UBE2U: variants seen among roughly 807,000 people sequenced by gnomAD.
UBE2U encodes ubiquitin conjugating enzyme E2 U, also known as ubiquitin-conjugating enzyme E2 U.
In UBE2U, 39 loss-of-function variants were observed where a neutral mutation model predicts 41.2. The ratio of observed to expected loss-of-function variants is 0.95; its 90% confidence interval spans 0.73 to 1.24. UBE2U has a LOEUF of 1.24. Among genes scored for constraint, UBE2U ranks in the 50% most tolerant of loss-of-function variants. UBE2U has a pLI of 0.00. For missense variants in UBE2U, 336 were observed against 363.1 expected, an observed-to-expected ratio of 0.93 and a Z score of 0.61; for synonymous variants, 107 against 117.8, an observed-to-expected ratio of 0.91 and a Z score of 0.60.
intron 9 of UBE2U, among the ~76,000 whole-genome samples, chr1:64,265,323 A>G (rs1416564442): frequency 6.6e-6 from 1 of 152,180 alleles, no homozygotes; most frequent in South Asian, 2.1e-4. Context: ...ACTTGGCTTT[A>G]TATTTCTTGT....
chr1:64,246,108 C>A (rs1644915946), intron 8 of UBE2U, among the ~76,000 whole-genome samples: 1 of 150,902 alleles, frequency 6.6e-6, no homozygotes, highest in African/African-American at 2.4e-5. Flanking sequence ...ATATTAAATT[C>A]TATTATTAAA....
At chr1:64,210,933 G>C (rs1434216285) in intron 4 of UBE2U, 94 bp downstream of exon 4, 4 of 794,612 alleles carry the variant, frequency 5.0e-6, no homozygotes, top group Non-Finnish European at 7.2e-6. Flanking sequence ...GCATATTTAA[G>C]TGTTTAAAGA....
At chr1:64,255,516 A>G (rs928529850) in intron 8 of UBE2U, among the ~76,000 whole-genome samples, 2 of 152,212 alleles carry the variant, frequency 1.3e-5, no homozygotes, top group African/African-American at 4.8e-5. Flanking sequence ...TGATGCAAAA[A>G]TCCTCAATAA....
At chr1:64,241,904 T>G (rs1179773631) in intron 8 of UBE2U, among the ~76,000 whole-genome samples, 171 bp downstream of exon 8, 1 of 152,186 alleles carries the variant, frequency 6.6e-6, no homozygotes, top group Non-Finnish European at 1.5e-5. Context: ...TGCTTTCATA[T>G]GAACCCAGGT....
intron 8 of UBE2U, among the ~76,000 whole-genome samples, chr1:64,245,744 T>C (rs1421013162): frequency 6.6e-6 from 1 of 152,084 alleles, no homozygotes. Context: ...TCAGACCACT[T>C]TGCTTGCCTT....
chr1:64,243,866 A>C (rs1313793267), intron 8 of UBE2U, among the ~76,000 whole-genome samples: 1 of 152,154 alleles, frequency 6.6e-6, no homozygotes, highest in Non-Finnish European at 1.5e-5. Context: ...GGGGCACTGG[A>C]GCCAGACTGT....
intron 9 of UBE2U, among the ~76,000 whole-genome samples, chr1:64,261,419 GA>G (rs1381463516): frequency 1.3e-5 from 2 of 151,874 alleles, no homozygotes; most frequent in African/African-American, 4.8e-5. Context: ...TTTGTGAACT[GA>G]AAAGTACAAA....
intron 6 of UBE2U, among the ~76,000 whole-genome samples, chr1:64,232,144 TATAAG>T (rs1644579647): frequency 6.6e-6 from 1 of 152,180 alleles, no homozygotes; most frequent in South Asian, 2.1e-4. Context: ...CTGTCCCCAT[TATAAG>T]AAATAAGGGT....
At chr1:64,234,575 T>A (rs1644631994) in intron 7 of UBE2U, among the ~76,000 whole-genome samples, 1 of 152,220 alleles carries the variant, frequency 6.6e-6, no homozygotes. Flanking sequence ...GATCAATAAC[T>A]TTTAAGAAAT....
intron 7 of UBE2U, among the ~76,000 whole-genome samples, chr1:64,239,110 A>G (rs56199431): frequency 0.14 from 2,295 of 16,948 alleles, 54 homozygotes; most frequent in African/African-American, 0.27. Flanking sequence ...AAGAAGAAGA[A>G]GAAGAAGAAG....
chr1:64,253,175 T>A (rs533935905), intron 8 of UBE2U, among the ~76,000 whole-genome samples: 29 of 152,252 alleles, frequency 1.9e-4, no homozygotes, highest in Admixed American at 5.9e-4. Context: ...GAGCTTGAAG[T>A]CTATCTTTCT....
chr1:64,222,098 A>G (rs1487717913), intron 6 of UBE2U, among the ~76,000 whole-genome samples: 2 of 151,466 alleles, frequency 1.3e-5, no homozygotes, highest in South Asian at 2.1e-4. Flanking sequence ...TCTCAAAAAA[A>G]AAAAAAAAAA....
chr1:64,239,125 AG>A (rs1195914627), intron 7 of UBE2U, among the ~76,000 whole-genome samples: 39 of 24,328 alleles, frequency 1.6e-3, no homozygotes, highest in African/African-American at 6.9e-3. Context: ...AAGAAGAAGA[AG>A]AAGAAGAAGA....
chr1:64,249,106 C>T (rs1196100631), intron 8 of UBE2U, among the ~76,000 whole-genome samples: 7 of 151,956 alleles, frequency 4.6e-5, no homozygotes, highest in African/African-American at 1.5e-4. Flanking sequence ...GGCGCGGTGG[C>T]TCACGCCTGT....
chr1:64,227,647 C>G (rs1652967063), intron 6 of UBE2U, among the ~76,000 whole-genome samples: 1 of 151,876 alleles, frequency 6.6e-6, no homozygotes, highest in South Asian at 2.1e-4. Flanking sequence ...ACTAAAAATA[C>G]AAAATTAGCC....
intron 6 of UBE2U, among the ~76,000 whole-genome samples, chr1:64,225,826 C>T (rs781045433): frequency 9.9e-5 from 15 of 152,178 alleles, no homozygotes; most frequent in Non-Finnish European, 1.5e-4. Context: ...TGAAAGAAGA[C>T]ATCATTGACT....
At position 64,239,092 on chromosome 1, in the gene UBE2U, GGAA is replaced by G. The variant is rs1221201927; in HGVS notation, c.596-2496_596-2494del. Reference sequence around the variant, plus strand: ...AGGAAGAGGAAGAGGAAGAGGAAGAGGAAGAAGAAGAAGAAGAAGAAGAAGAAG... The same window carrying G: ...AGGAAGAGGAAGAGGAAGAGGAAGAGGAAGAAGAAGAAGAAGAAGAAGAAG... On this transcript the variant is annotated intron_variant, in intron 7 of 9. Transcript: ENST00000371077. Among the ~76,000 whole-genome samples the G allele has an allele frequency of 8.7e-3, 370 of 42,736 alleles. 3 individuals are homozygous for G. Among genetic ancestry groups the G allele is most frequent in the Middle Eastern group, 0.023 (2 of 86 alleles). 28.0% of individuals were successfully genotyped at this position (42,736 alleles called of 152,430 possible).
chr1:64,239,112 A>AAGG (rs1644745816), intron 7 of UBE2U, among the ~76,000 whole-genome samples: 1 of 12,846 alleles, frequency 7.8e-5, no homozygotes, highest in Non-Finnish European at 1.2e-4. Flanking sequence ...GAAGAAGAAG[A>AAGG]AGAAGAAGAA....
At chr1:64,252,074 G>A (rs1004726991) in intron 8 of UBE2U, among the ~76,000 whole-genome samples, 1 of 152,244 alleles carries the variant, frequency 6.6e-6, no homozygotes, top group Non-Finnish European at 1.5e-5. Flanking sequence ...CAGCTCTGGA[G>A]AGTCCAGGCA....
Sources: allele counts gnomAD v4.1 joint callset (sites outside exome capture counted in the v4.1 genomes callset), GRCh38; gene constraint gnomAD v4.1.1; transcripts MANE v1.5; gene names NCBI Gene and HGNC (gene_info 2026-07-23, HGNC 2026-07-21).